Variants in PIK3CB observed in about 807,000 individuals in gnomAD.
PIK3CB encodes the protein phosphatidylinositol-4,5-bisphosphate 3-kinase catalytic subunit beta.
Under a neutral mutation model 136.8 loss-of-function variants are expected in PIK3CB, and 39 were observed. The observed-to-expected ratio is 0.29, with a 90% confidence interval of 0.22 to 0.37. The LOEUF (loss-of-function observed/expected upper bound fraction) is 0.37, where lower values mean the gene tolerates loss of function less well. Among genes scored for constraint, PIK3CB ranks in the 10% least tolerant of loss-of-function variants. The pLI, the probability that PIK3CB is intolerant of heterozygous loss-of-function variation, is 1.00. For missense variants in PIK3CB, 868 were observed against 1,275.4 expected (o/e 0.68, Z 4.87); for synonymous variants, 428 against 436.6 (o/e 0.98, Z 0.25).
chr3:138,695,050 A>C (rs945151650), intron 13 of PIK3CB, 143 bp from the exon 14 acceptor site: 1 of 641,212 alleles, frequency 1.6e-6, no homozygotes, highest in Non-Finnish European at 2.5e-6. Context: ...CATTCCTGTT[A>C]ATAGAGACTA....
chr3:138,780,070 G>A (rs2045906536), intron 2 of PIK3CB, among the ~76,000 whole-genome samples: 1 of 151,758 alleles, frequency 6.6e-6, no homozygotes, highest in Non-Finnish European at 1.5e-5. Flanking sequence ...CAATTCTCCT[G>A]CCTCAGCCTT....
intron 3 of PIK3CB, among the ~76,000 whole-genome samples, chr3:138,758,683 G>T (rs1452791040): frequency 6.6e-6 from 1 of 152,116 alleles, no homozygotes; most frequent in Admixed American, 6.6e-5. Flanking sequence ...TATTCACATT[G>T]GGTTCAGCTT....
At chr3:138,694,601 C>T (rs988831313) in intron 14 of PIK3CB, among the ~76,000 whole-genome samples, 185 bp downstream of exon 14, 1 of 151,920 alleles carries the variant, frequency 6.6e-6, no homozygotes, top group Non-Finnish European at 1.5e-5. Context: ...ACCTAGCATG[C>T]TTTTGGTTTT....
At chr3:138,681,222 T>A (rs2043774343) in intron 19 of PIK3CB, among the ~76,000 whole-genome samples, 3 of 151,756 alleles carry the variant, frequency 2.0e-5, no homozygotes, top group Admixed American at 1.3e-4. Context: ...ACTTTTGTAT[T>A]TTTAGAAGAG....
intron 2 of PIK3CB, among the ~76,000 whole-genome samples, chr3:138,789,936 G>C (rs904727519): frequency 6.6e-6 from 1 of 152,084 alleles, no homozygotes; most frequent in Admixed American, 6.6e-5. Context: ...TGATCTGCCC[G>C]TCCTGGCCTC....
intron 6 of PIK3CB, among the ~76,000 whole-genome samples, chr3:138,735,017 C>T (rs1239905512): frequency 6.7e-6 from 1 of 148,760 alleles, no homozygotes; most frequent in East Asian, 2.0e-4. Context: ...GACACGATCA[C>T]AGCTCACTGC....
chr3:138,664,062 GTTTTC>G, intron 20 of PIK3CB, 33 bp from the exon 21 acceptor site: 1 of 1,609,256 alleles, frequency 6.2e-7, no homozygotes, highest in Non-Finnish European at 8.5e-7. Context: ...AGCAAAAAAG[GTTTTC>G]AGCCTCCAAG....
intron 13 of PIK3CB, among the ~76,000 whole-genome samples, chr3:138,698,536 A>C: frequency 6.6e-6 from 1 of 152,246 alleles, no homozygotes; most frequent in East Asian, 1.9e-4. Context: ...GTAATTTTCA[A>C]ACAATGGACA....
chr3:138,769,790 A>T lies in PIK3CB; in HGVS notation c.-16-10431T>A, dbSNP rs187437397. Among the ~76,000 whole-genome samples, 171 of 152,302 alleles carry T rather than the reference A, an allele frequency of 1.1e-3. 1 individual carries two copies. Among genetic ancestry groups the T allele is most frequent in the African/African-American group, 4.0e-3 (168 of 41,564 alleles). ...TCTGCTATTTCCCTTAGTCACTCTTATTTTATAGGACTACACAAACAGTTC... is the reference window on the plus strand; with the variant it reads ...TCTGCTATTTCCCTTAGTCACTCTTTTTTTATAGGACTACACAAACAGTTC... On this transcript the variant is annotated intron_variant, in intron 2 of 23. Transcript: ENST00000674063.
chr3:138,684,292 A>T (rs1180914260), intron 17 of PIK3CB, among the ~76,000 whole-genome samples: 1 of 152,240 alleles, frequency 6.6e-6, no homozygotes, highest in African/African-American at 2.4e-5. Context: ...AAAATAGGAA[A>T]ATCAATCAGT....
At chr3:138,738,552 C>T (rs554667451) in intron 5 of PIK3CB, among the ~76,000 whole-genome samples, 20 of 111,102 alleles carry the variant, frequency 1.8e-4, no homozygotes, top group East Asian at 2.8e-3. Flanking sequence ...ATACTTTATA[C>T]GAATTAAACC....
intron 2 of PIK3CB, among the ~76,000 whole-genome samples, chr3:138,788,879 G>A (rs1317732952): frequency 2.7e-5 from 4 of 146,564 alleles, no homozygotes; most frequent in Non-Finnish European, 4.5e-5. Context: ...CAGGAGAATC[G>A]CTTGAACCCG....
chr3:138,723,458 G>C (rs1265879636), intron 8 of PIK3CB, among the ~76,000 whole-genome samples: 2 of 152,180 alleles, frequency 1.3e-5, no homozygotes, highest in Admixed American at 1.3e-4. Flanking sequence ...GGCTGAGGTG[G>C]AAGGATCCCT....
chr3:138,819,325 C>T (rs541842453), intron 1 of PIK3CB, among the ~76,000 whole-genome samples: 7 of 150,380 alleles, frequency 4.7e-5, no homozygotes, highest in African/African-American at 1.5e-4. Context: ...CCAGCCTGGG[C>T]GACAGAGTGA....
At chr3:138,779,388 CTTTTT>C (rs753018315) in intron 2 of PIK3CB, among the ~76,000 whole-genome samples, 3 of 112,038 alleles carry the variant, frequency 2.7e-5, no homozygotes, top group Non-Finnish European at 5.2e-5. Flanking sequence ...GCCCGGCCTT[CTTTTT>C]TTTTTTTTTT....
At chr3:138,661,409 A>T (rs1360359049) in intron 21 of PIK3CB, among the ~76,000 whole-genome samples, 1 of 152,104 alleles carries the variant, frequency 6.6e-6, no homozygotes, top group Non-Finnish European at 1.5e-5. Context: ...CTATTTTCTC[A>T]GTTCTGCTAA....
intron 1 of PIK3CB, among the ~76,000 whole-genome samples, chr3:138,824,892 CAAAAAAAA>C (rs57342129): frequency 6.4e-5 from 4 of 62,360 alleles, no homozygotes; most frequent in African/African-American, 2.1e-4. Context: ...TACAAAATAC[CAAAAAAAA>C]AAAAAAAAAA....
At chr3:138,764,573 C>T (rs557826044) in intron 2 of PIK3CB, among the ~76,000 whole-genome samples, 22 of 151,946 alleles carry the variant, frequency 1.4e-4, no homozygotes, top group African/African-American at 5.3e-4. Context: ...GAGACCAGCA[C>T]AGGCAACAAA....
At chr3:138,783,892 A>G (rs2045946601) in intron 2 of PIK3CB, among the ~76,000 whole-genome samples, 1 of 152,218 alleles carries the variant, frequency 6.6e-6, no homozygotes, top group African/African-American at 2.4e-5. Flanking sequence ...AAATTGGGAT[A>G]ATAATTAGTT....
Sources: gnomAD v4.1 joint callset for allele counts (sites outside exome capture counted in the v4.1 genomes callset) on GRCh38, gnomAD v4.1.1 for gene constraint, MANE v1.5 for transcripts, NCBI Gene and HGNC (gene_info 2026-07-23, HGNC 2026-07-21) for gene names.